PCDH15: variants seen among roughly 807,000 people sequenced by gnomAD.
PCDH15 encodes the protein protocadherin related 15, also known as protocadherin-15.
A neutral mutation model predicts 178.5 loss-of-function variants in PCDH15; 129 were observed. The ratio of observed to expected loss-of-function variants is 0.72; its 90% CI spans 0.63 to 0.84. The LOEUF (loss-of-function observed/expected upper bound fraction) is 0.84. Among genes scored for constraint, PCDH15 ranks in the 40% least tolerant of loss-of-function variants. The probability of loss-of-function intolerance (pLI) is 0.00; values close to 1 mark genes in which losing one functional copy is unlikely to be tolerated. For synonymous variants in PCDH15, 800 were observed against 732.0 expected (o/e 1.09, Z -1.50); for missense variants, 2,230 against 2,099.9 (o/e 1.06, Z -1.21).
At chr10:55,225,045 G>A (rs1840988333) in intron 1 of PCDH15, among the ~76,000 whole-genome samples, 1 of 151,092 alleles carries the variant, frequency 6.6e-6, no homozygotes, top group African/African-American at 2.4e-5. Context: ...AAACAATCTT[G>A]TTTCTTGTCT....
intron 1 of PCDH15, among the ~76,000 whole-genome samples, chr10:55,168,978 A>G (rs1187589522): frequency 1.3e-5 from 2 of 152,164 alleles, no homozygotes; most frequent in Non-Finnish European, 2.9e-5. Flanking sequence ...AAATAGGATA[A>G]AAGTCATATC....
chr10:55,226,334 C>A (rs974848316), intron 1 of PCDH15, among the ~76,000 whole-genome samples: 1 of 151,960 alleles, frequency 6.6e-6, no homozygotes, highest in African/African-American at 2.4e-5. Flanking sequence ...TGAATACTAA[C>A]AAAACAGAAT....
chr10:54,317,259 G>C lies in PCDH15; in HGVS notation c.876+12C>G, dbSNP rs376742153. 2 of 1,609,968 alleles carry C rather than the reference G, an allele frequency of 1.2e-6. No homozygotes were observed. Among genetic ancestry groups the C allele is most frequent in the Admixed American group, 1.7e-5 (1 of 59,944 alleles). On this transcript the variant is annotated intron_variant, in intron 8 of 37. Transcript: ENST00000644397. ...CATGCAAATAAATGGAGAAAGATAA[G>C]AGTATATTTACCGGAGTTCTCAACT... is the stretch of plus-strand genomic sequence containing the variant.
At position 55,012,695 on chromosome 10, in the gene PCDH15, CT is replaced by C. The variant is rs528119436; in HGVS notation, c.-79-115196del. Among the ~76,000 whole-genome samples the C allele has an allele frequency of 7.2e-5, 11 of 152,160 alleles. No individual in the cohort carries two copies. The East Asian group carries it at 1.9e-3, about 27-fold the overall frequency. On this transcript the variant is annotated intron_variant, in intron 2 of 5. Transcript: ENST00000458638. The stretch of plus-strand genomic sequence containing the variant: ...TTTCTTTGCTTCCACTAAACCATGT[CT>C]TTTTATTTATTCCTTCTAAATTTCT...
chr10:54,981,581 A>G (rs557585823), intron 2 of PCDH15, among the ~76,000 whole-genome samples: 1 of 152,318 alleles, frequency 6.6e-6, no homozygotes, highest in East Asian at 1.9e-4. Context: ...AATAACGAAG[A>G]GATTTAAAAT....
At chr10:54,929,292 C>T (rs1837709029) in intron 2 of PCDH15, among the ~76,000 whole-genome samples, 1 of 152,112 alleles carries the variant, frequency 6.6e-6, no homozygotes, top group Admixed American at 6.6e-5. Context: ...AAGGAGTCCA[C>T]TGTGCTAGGG....
At chr10:55,619,054 C>T (rs1181988166) in intron 2 of PCDH15, among the ~76,000 whole-genome samples, 1 of 152,016 alleles carries the variant, frequency 6.6e-6, no homozygotes, top group African/African-American at 2.4e-5. Flanking sequence ...CAACACTGTA[C>T]TGTGAAGGTG....
chr10:53,959,466 C>G (rs1167649029), intron 23 of PCDH15, among the ~76,000 whole-genome samples: 1 of 151,768 alleles, frequency 6.6e-6, no homozygotes, highest in African/African-American at 2.4e-5. Flanking sequence ...AATTGAAACC[C>G]CAAAATATAA....
intron 26 of PCDH15, among the ~76,000 whole-genome samples, chr10:53,881,374 C>G (rs1167445996): frequency 6.6e-6 from 1 of 152,040 alleles, no homozygotes; most frequent in Non-Finnish European, 1.5e-5. Flanking sequence ...GCGATGGTTA[C>G]AGTAAAATTG....
At chr10:55,029,553 A>T (rs1410533488) in intron 2 of PCDH15, among the ~76,000 whole-genome samples, 1 of 152,142 alleles carries the variant, frequency 6.6e-6, no homozygotes, top group Non-Finnish European at 1.5e-5. Context: ...AGAGACAGGA[A>T]AACTTTGGTA....
intron 2 of PCDH15, among the ~76,000 whole-genome samples, chr10:55,461,928 A>AT (rs1565162955): frequency 6.6e-6 from 1 of 152,124 alleles, no homozygotes; most frequent in Non-Finnish European, 1.5e-5. Flanking sequence ...CTATTTTACC[A>AT]TAGAAACATC....
At chr10:55,454,758 C>A (rs886793342) in intron 2 of PCDH15, among the ~76,000 whole-genome samples, 1 of 141,118 alleles carries the variant, frequency 7.1e-6, no homozygotes, top group Admixed American at 7.4e-5. Flanking sequence ...GCACTCCAGC[C>A]TGGGCAACAG....
At chr10:54,069,625 A>G (rs2094202077) in intron 17 of PCDH15, among the ~76,000 whole-genome samples, 1 of 152,194 alleles carries the variant, frequency 6.6e-6, no homozygotes, top group African/African-American at 2.4e-5. Flanking sequence ...TGAGGATTTC[A>G]GGGCTATCCA....
intron 2 of PCDH15, among the ~76,000 whole-genome samples, chr10:55,610,908 A>C (rs1843352806): frequency 6.6e-6 from 1 of 152,078 alleles, no homozygotes; most frequent in African/African-American, 2.4e-5. Context: ...AGCTAAAAAG[A>C]GTGAAATTAT....
intron 2 of PCDH15, among the ~76,000 whole-genome samples, chr10:55,590,413 G>A (rs1010084083): frequency 1.8e-4 from 28 of 151,686 alleles, no homozygotes; most frequent in Admixed American, 3.9e-4. Flanking sequence ...GTATACATAT[G>A]TAACTAACCT....
Position 55,098,923 on chromosome 10 carries a change from A to AGAGG in PCDH15, c.-80+67652_-80+67653insCCTC, listed in dbSNP as rs1842512519. 4.1e-5 allele frequency among the ~76,000 whole-genome samples: 6 copies of AGAGG among 147,158 alleles called. No individual in the cohort carries two copies. In the South Asian group the frequency reaches 1.3e-3, roughly 32 times the overall value. On this transcript the variant is annotated intron_variant, in intron 2 of 5. Transcript: ENST00000458638. Reference sequence around the variant, plus strand: ...GAGAGAGAGAGAGAGAGAGAGAGAGAGAGAGAGAGAGCTCTTATCCTTTCT... The same window carrying AGAGG: ...GAGAGAGAGAGAGAGAGAGAGAGAGAGAGGGAGAGAGAGAGCTCTTATCCTTTCT...
chr10:53,986,243 T>C (rs1384560034), intron 21 of PCDH15, among the ~76,000 whole-genome samples: 1 of 152,174 alleles, frequency 6.6e-6, no homozygotes, highest in Non-Finnish European at 1.5e-5. Context: ...TCATTAGTCA[T>C]AATGGAAATA....
chr10:54,816,231 T>C (rs1952948616), intron 3 of PCDH15, among the ~76,000 whole-genome samples: 1 of 152,090 alleles, frequency 6.6e-6, no homozygotes, highest in Non-Finnish European at 1.5e-5. Flanking sequence ...ATTTATGTAG[T>C]ATTAAATAAA....
chr10:54,541,421 A>T (rs981095183), intron 2 of PCDH15, among the ~76,000 whole-genome samples: 1 of 152,216 alleles, frequency 6.6e-6, no homozygotes, highest in African/African-American at 2.4e-5. Context: ...TTACATAGTG[A>T]TAATGGAACT....
Sources: allele counts gnomAD v4.1 joint callset (sites outside exome capture counted in the v4.1 genomes callset), GRCh38; gene constraint gnomAD v4.1.1; transcripts MANE v1.5; gene names NCBI Gene and HGNC (gene_info 2026-07-23, HGNC 2026-07-21).